Variants in GPATCH2 observed in about 807,000 individuals in gnomAD.
GPATCH2 encodes G patch domain-containing protein 2.
GPATCH2 carries 51 observed loss-of-function variants against 58.0 expected under a neutral mutation model. The observed-to-expected ratio is 0.88, with a 90% CI of 0.70 to 1.11. GPATCH2 has a LOEUF of 1.11. Ranked by LOEUF, GPATCH2 falls within the 50% of genes most tolerant of loss-of-function variation. The pLI, the probability that GPATCH2 is intolerant of heterozygous loss-of-function variation, is 0.00. For missense variants in GPATCH2, 625 were observed against 652.2 expected, an observed-to-expected ratio of 0.96 and a Z score of 0.45; for synonymous variants, 222 against 218.5, an observed-to-expected ratio of 1.02 and a Z score of -0.14.
At chr1:217,619,126 C>CTT (rs1292764158) in intron 2 of GPATCH2, among the ~76,000 whole-genome samples, 2 of 152,154 alleles carry the variant, frequency 1.3e-5, no homozygotes, top group Admixed American at 1.3e-4. Flanking sequence ...TTGCAAGTAG[C>CTT]ATCACTTCAT....
intron 5 of GPATCH2, among the ~76,000 whole-genome samples, chr1:217,571,712 A>G (rs538040963): frequency 3.4e-4 from 50 of 148,570 alleles, no homozygotes; most frequent in South Asian, 8.5e-4. Context: ...CCAAAAAAAA[A>G]AAAAAAAACA....
intron 5 of GPATCH2, among the ~76,000 whole-genome samples, chr1:217,539,490 T>C (rs969897503): frequency 9.9e-5 from 15 of 152,184 alleles, no homozygotes. Flanking sequence ...CTACAAACAA[T>C]TTTCAAGCCC....
chr1:217,555,674 T>C (rs1315821420), intron 5 of GPATCH2, among the ~76,000 whole-genome samples: 1 of 152,210 alleles, frequency 6.6e-6, no homozygotes, highest in Non-Finnish European at 1.5e-5. Flanking sequence ...GGTTATCACT[T>C]GGTGGAAAGC....
chr1:217,564,206 A>AAG (rs1666093223), intron 5 of GPATCH2, among the ~76,000 whole-genome samples: 5 of 152,192 alleles, frequency 3.3e-5, no homozygotes, highest in African/African-American at 1.2e-4. Flanking sequence ...ACTGTAAAAA[A>AAG]GGGTAACGTT....
chr1:217,614,097 T>TGAA (rs765491502), intron 3 of GPATCH2, 44 bp downstream of exon 3: 1 of 1,038,738 alleles, frequency 9.6e-7, no homozygotes, highest in East Asian at 2.4e-5. Flanking sequence ...CACTTTAGAA[T>TGAA]GAAGAAGTTT....
chr1:217,580,987 G>A (rs1667053264), intron 5 of GPATCH2, among the ~76,000 whole-genome samples: 1 of 35,682 alleles, frequency 2.8e-5, no homozygotes, highest in African/African-American at 8.6e-5. Flanking sequence ...CCGCAGTCCA[G>A]CCTGGGCGAC....
At chr1:217,550,168 T>G (rs1665278275) in intron 5 of GPATCH2, among the ~76,000 whole-genome samples, 1 of 152,168 alleles carries the variant, frequency 6.6e-6, no homozygotes, top group Non-Finnish European at 1.5e-5. Context: ...GGTTCACCAC[T>G]TGTTAGCTGT....
rs528236598 is a variant in GPATCH2, at chr1:217,515,965, C to T, written c.1099-1076G>A. Among the ~76,000 whole-genome samples, 33 of 151,944 alleles carry T rather than the reference C, an allele frequency of 2.2e-4. No homozygotes were observed. The South Asian group carries it at 6.0e-3, about 28-fold the overall frequency. On this transcript the variant is annotated intron_variant, in intron 5 of 9. Transcript: ENST00000366935. ...TGAGCAGCCCTTTTCATAGTTTCCC[C>T]GAAAAGACAGGAGTCATCTGTGTAT...
chr1:217,576,083 C>T (rs949097422), intron 5 of GPATCH2, among the ~76,000 whole-genome samples: 2 of 152,038 alleles, frequency 1.3e-5, no homozygotes, highest in African/African-American at 4.8e-5. Context: ...TAAATATATA[C>T]ACACATATGT....
rs150667194 is a variant in GPATCH2 at position 217,576,999 on chromosome 1, T to A, written c.1098+33322A>T. Among the ~76,000 whole-genome samples, 207 of 152,318 alleles carry A rather than the reference T, an allele frequency of 1.4e-3. 4 individuals carry two copies. Among genetic ancestry groups the A allele is most frequent in the Admixed American group, 0.012 (184 of 15,292 alleles). On this transcript the variant is annotated intron_variant, in intron 5 of 9. Transcript: ENST00000366935. The stretch of plus-strand genomic sequence containing the variant: ...TAAAATAGGAATGTGCAAAGCAGAT[T>A]AATTGCTAATATCATGCCTGAAAAA...
intron 6 of GPATCH2, among the ~76,000 whole-genome samples, chr1:217,502,791 T>G (rs1018312737): frequency 2.0e-5 from 3 of 152,158 alleles, no homozygotes; most frequent in African/African-American, 7.2e-5. Flanking sequence ...TCTTGTCTAT[T>G]TTTCTCATAT....
At chr1:217,551,569 G>A (rs1430000808) in intron 5 of GPATCH2, among the ~76,000 whole-genome samples, 1 of 152,082 alleles carries the variant, frequency 6.6e-6, no homozygotes, top group East Asian at 1.9e-4. Flanking sequence ...TTTTAACCTT[G>A]AAAACAGTGC....
rs149518254 is a variant in GPATCH2, at chr1:217,463,899, G to C, written c.1278-14562C>G. Among the ~76,000 whole-genome samples, 217 of 152,214 alleles carry C rather than the reference G, an allele frequency of 1.4e-3. 1 individual carries two copies. The highest frequency in any genetic ancestry group is 4.8e-3 in the African/African-American group (198 of 41,548). The stretch of plus-strand genomic sequence containing the variant: ...TTTCTGGCCAGAATGTAAGTTCCTG[G>C]AATGCAGACAGAATAGCATCTGGGT... On this transcript the variant is annotated intron_variant, in intron 8 of 9. Coordinates refer to ENST00000366935, the MANE Select transcript of GPATCH2 (RefSeq NM_018040.5).
intron 8 of GPATCH2, among the ~76,000 whole-genome samples, chr1:217,456,084 T>A (rs2102480262): frequency 6.6e-6 from 1 of 152,208 alleles, no homozygotes; most frequent in South Asian, 2.1e-4. Flanking sequence ...AGCCCGGCAT[T>A]TACCATCCTC....
intron 8 of GPATCH2, among the ~76,000 whole-genome samples, chr1:217,486,860 TC>T (rs1439527857): frequency 6.6e-6 from 1 of 152,156 alleles, no homozygotes; most frequent in African/African-American, 2.4e-5. Flanking sequence ...GACTAATTCT[TC>T]AGCACTGGGT....
At chr1:217,444,139 AG>A (rs1659271793) in intron 9 of GPATCH2, among the ~76,000 whole-genome samples, 1 of 152,220 alleles carries the variant, frequency 6.6e-6, no homozygotes, top group Non-Finnish European at 1.5e-5. Flanking sequence ...ACAAATCTTC[AG>A]AGAGTTTTCT....
chr1:217,466,178 A>G (rs1660441009), intron 8 of GPATCH2, among the ~76,000 whole-genome samples: 1 of 152,232 alleles, frequency 6.6e-6, no homozygotes, highest in South Asian at 2.1e-4. Flanking sequence ...CTTCAGACAA[A>G]AAGAGTACAG....
intron 8 of GPATCH2, among the ~76,000 whole-genome samples, chr1:217,468,653 CAAT>C (rs1396077484): frequency 1.3e-5 from 2 of 150,630 alleles, no homozygotes; most frequent in African/African-American, 2.4e-5. Flanking sequence ...TGCAATAAAA[CAAT>C]AAAGGAAATG....
At chr1:217,471,195 A>G (rs1210097823) in intron 8 of GPATCH2, among the ~76,000 whole-genome samples, 1 of 152,114 alleles carries the variant, frequency 6.6e-6, no homozygotes, top group Non-Finnish European at 1.5e-5. Flanking sequence ...AAATTTACTA[A>G]GGTAGGATAG....
Sources: allele counts gnomAD v4.1 joint callset (sites outside exome capture counted in the v4.1 genomes callset), GRCh38; gene constraint gnomAD v4.1.1; transcripts MANE v1.5; gene names NCBI Gene and HGNC (gene_info 2026-07-23, HGNC 2026-07-21).